RORB: variants seen among roughly 807,000 people sequenced by gnomAD.
The protein encoded by RORB is nuclear receptor ROR-beta.
In RORB, 6 loss-of-function variants were observed where a neutral mutation model predicts 59.1. The ratio of observed to expected loss-of-function variants is 0.10; its 90% CI spans 0.06 to 0.20. RORB has a LOEUF of 0.20. Ranked by LOEUF, RORB falls within the 10% of genes least tolerant of loss-of-function variation. The pLI is 1.00. For missense variants in RORB, 320 were observed against 560.5 expected, an observed-to-expected ratio of 0.57 and a Z score of 4.33; for synonymous variants, 215 against 204.5, an observed-to-expected ratio of 1.05 and a Z score of -0.44.
intron 1 of RORB, among the ~76,000 whole-genome samples, chr9:74,540,619 C>G (rs1038074146): frequency 6.6e-6 from 1 of 151,968 alleles, no homozygotes; most frequent in Middle Eastern, 3.4e-3. Context: ...CTTAAAATAT[C>G]TCATTATTGG....
chr9:74,519,053 T>C (rs1826049297), intron 1 of RORB, among the ~76,000 whole-genome samples: 1 of 151,928 alleles, frequency 6.6e-6, no homozygotes, highest in South Asian at 2.1e-4. Context: ...TACAGAGAAA[T>C]TCAGCCTAGA....
chr9:74,556,552 AC>A (rs1162693774), intron 1 of RORB, among the ~76,000 whole-genome samples: 1 of 152,098 alleles, frequency 6.6e-6, no homozygotes, highest in Non-Finnish European at 1.5e-5. Flanking sequence ...AACAAAGCCC[AC>A]CCTTCCCTGC....
At chr9:74,504,811 C>G (rs989096941) in intron 1 of RORB, among the ~76,000 whole-genome samples, 1 of 151,974 alleles carries the variant, frequency 6.6e-6, no homozygotes, top group African/African-American at 2.4e-5. Flanking sequence ...TTAAAGAAAA[C>G]TGTTACATAG....
chr9:74,606,771 T>C (rs10746962), intron 1 of RORB, among the ~76,000 whole-genome samples: 145,948 of 152,288 alleles, frequency 0.96, 70,258 homozygotes, highest in East Asian at 1. Context: ...ACAGGATTGT[T>C]GGGTTCTTAT....
At chr9:74,601,994 G>A (rs1021983981) in intron 1 of RORB, among the ~76,000 whole-genome samples, 2 of 152,136 alleles carry the variant, frequency 1.3e-5, no homozygotes, top group East Asian at 1.9e-4. Context: ...TCAGCAGAAC[G>A]GTGTGCTGGC....
intron 1 of RORB, among the ~76,000 whole-genome samples, chr9:74,618,173 T>C (rs1301691514): frequency 6.6e-6 from 1 of 151,954 alleles, no homozygotes; most frequent in Non-Finnish European, 1.5e-5. Context: ...TATAAATACC[T>C]CACCTATATT....
chr9:74,517,371 C>T (rs992072889), intron 1 of RORB, among the ~76,000 whole-genome samples: 8 of 152,108 alleles, frequency 5.3e-5, no homozygotes, highest in Non-Finnish European at 7.4e-5. Flanking sequence ...GCACTATACT[C>T]GGTCCAACAT....
At chr9:74,670,339 G>A (rs1179179053) in intron 8 of RORB, among the ~76,000 whole-genome samples, 2 of 152,034 alleles carry the variant, frequency 1.3e-5, no homozygotes, top group Non-Finnish European at 2.9e-5. Context: ...TTCTCTTTGG[G>A]TATATTTGTG....
chr9:74,506,596 T>G (rs1391557124), intron 1 of RORB, among the ~76,000 whole-genome samples: 2 of 152,100 alleles, frequency 1.3e-5, no homozygotes, highest in African/African-American at 4.8e-5. Flanking sequence ...TCTGAAACAC[T>G]GGTAAGATCA....
chr9:74,644,012 A>G (rs1309993094), intron 4 of RORB, among the ~76,000 whole-genome samples: 1 of 152,252 alleles, frequency 6.6e-6, no homozygotes, highest in Admixed American at 6.5e-5. Context: ...GAAGTGCTCA[A>G]TAACTCTTAG....
At chr9:74,572,770 T>C (rs1822572264) in intron 1 of RORB, among the ~76,000 whole-genome samples, 1 of 152,186 alleles carries the variant, frequency 6.6e-6, no homozygotes, top group South Asian at 2.1e-4. Flanking sequence ...CTTAATTACT[T>C]TATATGTTTC....
intron 1 of RORB, among the ~76,000 whole-genome samples, chr9:74,604,000 C>G (rs1823110717): frequency 6.6e-6 from 1 of 152,186 alleles, no homozygotes; most frequent in Admixed American, 6.5e-5. Flanking sequence ...CGGATCAGTG[C>G]AAGCTGGTAC....
At chr9:74,588,328 G>T (rs1288960175) in intron 1 of RORB, among the ~76,000 whole-genome samples, 2 of 152,128 alleles carry the variant, frequency 1.3e-5, no homozygotes, top group Non-Finnish European at 2.9e-5. Context: ...GGAATATGTA[G>T]AACAGTACAA....
intron 1 of RORB, among the ~76,000 whole-genome samples, chr9:74,550,420 A>G (rs1293137909): frequency 6.6e-6 from 1 of 152,216 alleles, no homozygotes; most frequent in Non-Finnish European, 1.5e-5. Flanking sequence ...CTCATTTAGC[A>G]GACCAGGGTG....
chr9:74,666,977 A>G (rs1397960334), intron 7 of RORB, among the ~76,000 whole-genome samples: 1 of 152,206 alleles, frequency 6.6e-6, no homozygotes, highest in East Asian at 1.9e-4. Context: ...TTGTGCTGTT[A>G]GTTGATATGG....
At chr9:74,654,788 T>A (rs974948494) in intron 4 of RORB, among the ~76,000 whole-genome samples, 2 of 152,146 alleles carry the variant, frequency 1.3e-5, no homozygotes, top group Non-Finnish European at 2.9e-5. Flanking sequence ...CCAATAAGCC[T>A]TCCACAAAGA....
In RORB at chr9:74,689,368, T is replaced by G. The variant is rs2118592381; in HGVS notation, c.*3750T>G. ...ATCCACCCGCCTTGGCCTCCCAAAG[T>G]GCAAGGATTACAGGCCTGAGCCACT... is the stretch of plus-strand genomic sequence containing the variant. On this transcript the variant is annotated 3_prime_UTR_variant, in exon 10 of 10. Transcript: ENST00000376896. 1.3e-5 allele frequency: 2 copies of G among 152,486 alleles called. No individual in the cohort carries two copies. The highest frequency in any genetic ancestry group is 4.1e-4 in the South Asian group (2 of 4,828). 9.4% of individuals were successfully genotyped at this position (152,486 alleles called of 1,614,324 possible). A position where few individuals can be genotyped will look rare whatever the true frequency, so the allele number is the denominator to read the frequency against.
At chr9:74,631,358 A>C (rs140268910) in intron 2 of RORB, among the ~76,000 whole-genome samples, 1 of 152,364 alleles carries the variant, frequency 6.6e-6, no homozygotes, top group East Asian at 1.9e-4. Context: ...ATGCTGGTAA[A>C]GTTATTGGCA....
intron 9 of RORB, among the ~76,000 whole-genome samples, chr9:74,676,543 G>T (rs765594056): frequency 5.3e-5 from 8 of 152,190 alleles, no homozygotes; most frequent in Non-Finnish European, 8.8e-5. Context: ...ATGTTCAAGT[G>T]CTTGTGCCTC....
Sources: gnomAD v4.1 joint callset for allele counts (sites outside exome capture counted in the v4.1 genomes callset) on GRCh38, gnomAD v4.1.1 for gene constraint, MANE v1.5 for transcripts, NCBI Gene and HGNC (gene_info 2026-07-23, HGNC 2026-07-21) for gene names.